Variants in EFHC2 observed in about 807,000 individuals in gnomAD.
EFHC2 encodes the protein EF-hand domain-containing family member C2.
A neutral mutation model predicts 52.7 loss-of-function variants in EFHC2; 18 were observed. That is an observed-to-expected ratio of 0.34 (90% CI 0.24 to 0.51). EFHC2 has a LOEUF of 0.51. Among genes scored for constraint, EFHC2 ranks in the 20% least tolerant of loss-of-function variants. The pLI is 0.97. For missense variants in EFHC2, 513 were observed against 562.5 expected (o/e 0.91, Z 0.89); for synonymous variants, 203 against 204.1 (o/e 0.99, Z 0.04).
intron 11 of EFHC2, among the ~76,000 whole-genome samples, chrX:44,220,491 A>C (rs2037185074): frequency 8.9e-6 from 1 of 111,962 alleles, no homozygotes; most frequent in Non-Finnish European, 1.9e-5. Context: ...CTGAGTGGCT[A>C]CTATGAACAA....
At chrX:44,160,532 A>T (rs1011580095) in intron 14 of EFHC2, among the ~76,000 whole-genome samples, 1 of 111,932 alleles carries the variant, frequency 8.9e-6, no homozygotes. Flanking sequence ...ATCTCATTCA[A>T]ACTCAATAGT....
At chrX:44,149,431 C>T (rs965607144) in intron 14 of EFHC2, among the ~76,000 whole-genome samples, 5 of 112,461 alleles carry the variant, frequency 4.4e-5, no homozygotes, top group African/African-American at 1.3e-4. Context: ...TTGTTGTGAA[C>T]CATTGAAATT....
intron 1 of EFHC2, among the ~76,000 whole-genome samples, chrX:44,320,728 A>G (rs747976387): frequency 1.8e-5 from 2 of 108,872 alleles, no homozygotes; most frequent in Non-Finnish European, 3.8e-5. Context: ...TACCATCTTG[A>G]CTCCCTCCCA....
At chrX:44,298,393 A>AG (rs1379261086) in intron 2 of EFHC2, among the ~76,000 whole-genome samples, 7 of 111,853 alleles carry the variant, frequency 6.3e-5, no homozygotes, top group Non-Finnish European at 9.4e-5. Context: ...CTGAAATCTG[A>AG]GAAAAAAATG....
At chrX:44,341,377 G>A (rs1378091057) in intron 1 of EFHC2, among the ~76,000 whole-genome samples, 1 of 112,556 alleles carries the variant, frequency 8.9e-6, no homozygotes, top group African/African-American at 3.2e-5. Context: ...CAGTATTTGA[G>A]ATATGTATTT....
At chrX:44,209,187 T>C (rs918575808) in intron 11 of EFHC2, among the ~76,000 whole-genome samples, 1 of 110,687 alleles carries the variant, frequency 9.0e-6, no homozygotes, top group African/African-American at 3.3e-5. Context: ...TATCTTCATA[T>C]ATGTGGGGCA....
chrX:44,318,154 A>C (rs2037994800), intron 1 of EFHC2, among the ~76,000 whole-genome samples: 2 of 112,554 alleles, frequency 1.8e-5, no homozygotes, highest in African/African-American at 6.5e-5. Flanking sequence ...GAATGGTTAA[A>C]CAGTTGTGGT....
chrX:44,179,909 T>C (rs2036820731), intron 11 of EFHC2, among the ~76,000 whole-genome samples: 1 of 112,586 alleles, frequency 8.9e-6, no homozygotes, highest in Admixed American at 9.4e-5. Flanking sequence ...CAATAACCTC[T>C]GCCATTTGTT....
intron 1 of EFHC2, among the ~76,000 whole-genome samples, chrX:44,336,696 A>G (rs941540857): frequency 8.9e-6 from 1 of 112,269 alleles, no homozygotes; most frequent in Non-Finnish European, 1.9e-5. Context: ...AGTATTGAAA[A>G]GGCCAGAAAT....
intron 11 of EFHC2, among the ~76,000 whole-genome samples, chrX:44,197,258 T>C (rs2036972474): frequency 8.9e-6 from 1 of 111,839 alleles, no homozygotes; most frequent in Non-Finnish European, 1.9e-5. Context: ...GAGTGAAAAT[T>C]GAATCCAAAC....
At chrX:44,210,686 T>C (rs1163825216) in intron 11 of EFHC2, among the ~76,000 whole-genome samples, 1 of 112,466 alleles carries the variant, frequency 8.9e-6, no homozygotes, top group Non-Finnish European at 1.9e-5. Context: ...AAGTGGATCA[T>C]AGCCCTAAAT....
At chrX:44,175,512 T>C (rs1673083213) in intron 13 of EFHC2, among the ~76,000 whole-genome samples, 1 of 112,005 alleles carries the variant, frequency 8.9e-6, no homozygotes, top group Non-Finnish European at 1.9e-5. Flanking sequence ...GCTCTTCTTC[T>C]TCTACACTAT....
chrX:44,168,318 G>A (rs1413210988), intron 13 of EFHC2, among the ~76,000 whole-genome samples: 1 of 111,708 alleles, frequency 9.0e-6, no homozygotes, highest in East Asian at 2.8e-4. Flanking sequence ...GGATCACGAG[G>A]TCAGGAGATC....
chrX:44,198,799 G>A (rs1017621131), intron 11 of EFHC2, among the ~76,000 whole-genome samples: 1 of 111,082 alleles, frequency 9.0e-6, no homozygotes, highest in African/African-American at 3.3e-5. Flanking sequence ...CAGGAGAGTA[G>A]CAATTGGGAA....
intron 4 of EFHC2, among the ~76,000 whole-genome samples, chrX:44,256,081 A>G (rs943330096): frequency 8.9e-6 from 1 of 111,993 alleles, no homozygotes; most frequent in East Asian, 2.8e-4. Flanking sequence ...ACAAATGACA[A>G]CAAAGACACA....
chrX:44,222,319 C>T (rs938178932), intron 11 of EFHC2, among the ~76,000 whole-genome samples: 2 of 111,580 alleles, frequency 1.8e-5, no homozygotes, highest in African/African-American at 6.5e-5. Context: ...GTGCCATTCA[C>T]CCCCAAAAGA....
intron 11 of EFHC2, among the ~76,000 whole-genome samples, chrX:44,197,633 C>A (rs2147293290): frequency 8.9e-6 from 1 of 111,967 alleles, no homozygotes; most frequent in African/African-American, 3.2e-5. Flanking sequence ...CCTCTGTCAT[C>A]CACCATGGGA....
intron 4 of EFHC2, among the ~76,000 whole-genome samples, chrX:44,257,142 C>T (rs149115797): frequency 0.049 from 5,472 of 111,284 alleles, 258 homozygotes; most frequent in African/African-American, 0.15. Context: ...ATTGATGGAA[C>T]GTATCTCAAA....
intron 4 of EFHC2, among the ~76,000 whole-genome samples, chrX:44,251,469 C>A (rs1428631316): frequency 9.9e-6 from 1 of 100,914 alleles, no homozygotes. Flanking sequence ...GGTCCGGTGG[C>A]AGGTGCCAGT....
Sources: allele counts gnomAD v4.1 joint callset (sites outside exome capture counted in the v4.1 genomes callset), GRCh38; gene constraint gnomAD v4.1.1; transcripts MANE v1.5; gene names NCBI Gene and HGNC (gene_info 2026-07-23, HGNC 2026-07-21).